Variants in NAV3 observed in about 807,000 individuals in gnomAD.
NAV3 encodes the protein neuron navigator 3, also known as pore membrane and/or filament interacting like protein 1.
A neutral mutation model predicts 244.7 loss-of-function variants in NAV3; 87 were observed. That is an observed-to-expected ratio of 0.36 (90% CI 0.30 to 0.42). The LOEUF (loss-of-function observed/expected upper bound fraction) is 0.42. Among genes scored for constraint, NAV3 ranks in the 20% least tolerant of loss-of-function variants. NAV3 has a pLI of 1.00. For synonymous variants in NAV3, 1,126 were observed against 1,042.2 expected (o/e 1.08, Z -1.55); for missense variants, 2,663 against 2,893.3 (o/e 0.92, Z 1.83).
At chr12:78,125,836 C>A (rs1955882291) in intron 16 of NAV3, among the ~76,000 whole-genome samples, 1 of 152,056 alleles carries the variant, frequency 6.6e-6, no homozygotes, top group African/African-American at 2.4e-5. Context: ...CATTAAATTG[C>A]TCTTCATCAT....
chr12:77,618,990 A>G (rs1014766153), intron 2 of NAV3, among the ~76,000 whole-genome samples: 13 of 152,250 alleles, frequency 8.5e-5, no homozygotes, highest in Non-Finnish European at 2.9e-5. Flanking sequence ...TCTAAAGGAC[A>G]TAAGAATTGC....
chr12:78,175,123 A>T (rs1958164344), intron 24 of NAV3, among the ~76,000 whole-genome samples, 183 bp from the exon 25 acceptor site: 1 of 152,026 alleles, frequency 6.6e-6, no homozygotes, highest in Non-Finnish European at 1.5e-5. Context: ...TAGATAACTC[A>T]GTTAATTAAA....
At chr12:77,859,779 A>AAAAAC (rs1878972906) in intron 1 of NAV3, among the ~76,000 whole-genome samples, 1 of 150,026 alleles carries the variant, frequency 6.7e-6, no homozygotes, top group Non-Finnish European at 1.5e-5. Context: ...AAAAAAAAAA[A>AAAAAC]AGACTAAATT....
chr12:77,618,769 A>G (rs1391176527), intron 2 of NAV3, among the ~76,000 whole-genome samples: 1 of 152,210 alleles, frequency 6.6e-6, no homozygotes, highest in African/African-American at 2.4e-5. Context: ...GAAATAGAGA[A>G]AGAAGGAAGA....
intron 2 of NAV3, among the ~76,000 whole-genome samples, chr12:77,820,516 A>G (rs1462868245): frequency 6.6e-6 from 1 of 152,160 alleles, no homozygotes; most frequent in African/African-American, 2.4e-5. Context: ...AAAGGCCACA[A>G]CCGCCAATAT....
intron 2 of NAV3, among the ~76,000 whole-genome samples, chr12:77,647,176 AAG>A (rs1238628492): frequency 6.6e-6 from 1 of 152,150 alleles, no homozygotes; most frequent in Non-Finnish European, 1.5e-5. Context: ...TGCCATTAAT[AAG>A]AGAATGGATG....
chr12:77,962,340 C>T lies in NAV3; in HGVS notation c.415-3889C>T, dbSNP rs559970371. ...TCCAGATTGTGTGTCCTACTGCCTA[C>T]GAACCATCTACTTTTGAATGTTTGA... On this transcript the variant is annotated intron_variant, in intron 3 of 39. Transcript: ENST00000397909. Among the ~76,000 whole-genome samples the T allele has an allele frequency of 6.6e-5, 10 of 152,254 alleles. No homozygotes were observed. The East Asian group carries it at 9.6e-4, about 15-fold the overall frequency.
chr12:78,151,072 A>T (rs1565727146), intron 22 of NAV3, among the ~76,000 whole-genome samples: 2 of 151,806 alleles, frequency 1.3e-5, no homozygotes, highest in South Asian at 2.1e-4. Context: ...TTAAAAAAAA[A>T]TAAAAATAAG....
intron 2 of NAV3, among the ~76,000 whole-genome samples, chr12:77,576,541 C>G (rs1056127445): frequency 1.3e-5 from 2 of 152,084 alleles, no homozygotes. Context: ...CAATTTAAAG[C>G]TAGCCTAGTT....
At chr12:77,734,856 A>G (rs1592630891) in intron 2 of NAV3, among the ~76,000 whole-genome samples, 1 of 152,168 alleles carries the variant, frequency 6.6e-6, no homozygotes, top group Admixed American at 6.5e-5. Flanking sequence ...AGAACGCAAA[A>G]ACAACAGAAT....
chr12:77,655,646 C>T (rs907888202), intron 2 of NAV3, among the ~76,000 whole-genome samples: 2 of 151,986 alleles, frequency 1.3e-5, no homozygotes, highest in African/African-American at 4.8e-5. Context: ...CTCCAAGACA[C>T]ATAATTGTCA....
intron 8 of NAV3, among the ~76,000 whole-genome samples, chr12:78,014,408 G>A (rs1478392379): frequency 6.6e-6 from 1 of 152,062 alleles, no homozygotes; most frequent in African/African-American, 2.4e-5. Flanking sequence ...AAAGTATCAT[G>A]CTTCTTAAGC....
intron 36 of NAV3, 139 bp from the exon 37 acceptor site, chr12:78,199,196 G>A: frequency 1.3e-6 from 1 of 757,866 alleles, no homozygotes. Context: ...TCATGAAAAG[G>A]TGGCCACCAA....
At chr12:77,854,841 G>C (rs1281018337) in intron 1 of NAV3, among the ~76,000 whole-genome samples, 3 of 152,072 alleles carry the variant, frequency 2.0e-5, no homozygotes, top group Admixed American at 2.0e-4. Context: ...CATCTGGCCG[G>C]GTGCAGTGGC....
intron 5 of NAV3, among the ~76,000 whole-genome samples, chr12:77,980,630 G>A (rs938224658): frequency 6.6e-6 from 1 of 151,998 alleles, no homozygotes; most frequent in Non-Finnish European, 1.5e-5. Context: ...TTTTAAGGTG[G>A]TTGCATTCAA....
intron 2 of NAV3, among the ~76,000 whole-genome samples, chr12:77,726,204 G>A (rs1236353972): frequency 1.3e-5 from 2 of 151,880 alleles, no homozygotes; most frequent in African/African-American, 4.8e-5. Context: ...AATACTATGT[G>A]TGTAATTTGT....
intron 1 of NAV3, among the ~76,000 whole-genome samples, chr12:77,868,819 T>C (rs903201438): frequency 1.4e-4 from 21 of 149,106 alleles, no homozygotes; most frequent in Non-Finnish European, 2.2e-4. Context: ...CCTTTAATCC[T>C]AGTACTTTGG....
chr12:78,138,086 A>G (rs1315114243), intron 19 of NAV3, among the ~76,000 whole-genome samples: 1 of 152,178 alleles, frequency 6.6e-6, no homozygotes, highest in Non-Finnish European at 1.5e-5. Flanking sequence ...GAAAACTTAC[A>G]GCATACATAT....
chr12:77,906,437 TTA>T (rs1885983361), intron 1 of NAV3, among the ~76,000 whole-genome samples: 1 of 152,128 alleles, frequency 6.6e-6, no homozygotes, highest in African/African-American at 2.4e-5. Context: ...TTGCATGAGT[TTA>T]TGTTTATTGC....
Sources: allele counts gnomAD v4.1 joint callset (sites outside exome capture counted in the v4.1 genomes callset), GRCh38; gene constraint gnomAD v4.1.1; transcripts MANE v1.5; gene names NCBI Gene and HGNC (gene_info 2026-07-23, HGNC 2026-07-21).